CERS6: variants seen among roughly 807,000 people sequenced by gnomAD.
The protein encoded by CERS6 is LAG1 homolog, ceramide synthase 6.
Under a neutral mutation model 56.8 loss-of-function variants are expected in CERS6, and 26 were observed. The observed-to-expected ratio is 0.46, with a 90% CI of 0.34 to 0.63. The LOEUF is 0.63. CERS6 is among the 30% of genes least tolerant of loss of function. CERS6 has a pLI of 0.01. For synonymous variants in CERS6, 164 were observed against 173.3 expected (o/e 0.95, Z 0.42); for missense variants, 415 against 467.5 (o/e 0.89, Z 1.04).
intron 4 of CERS6, among the ~76,000 whole-genome samples, chr2:168,664,523 G>C (rs1236298861): frequency 2.6e-5 from 4 of 152,218 alleles, no homozygotes; most frequent in Admixed American, 2.6e-4. Context: ...CTACTCCATA[G>C]ACAGAGCAGC....
At chr2:168,533,050 A>G (rs1215249571) in intron 1 of CERS6, among the ~76,000 whole-genome samples, 2 of 152,248 alleles carry the variant, frequency 1.3e-5, no homozygotes, top group East Asian at 3.8e-4. Flanking sequence ...CTTAACCCTA[A>G]AAGGTTATTG....
At chr2:168,577,630 G>A (rs1424156308) in intron 3 of CERS6, among the ~76,000 whole-genome samples, 1 of 152,196 alleles carries the variant, frequency 6.6e-6, no homozygotes, top group Non-Finnish European at 1.5e-5. Context: ...GGGGTGTGGA[G>A]CACAGTCAGG....
At chr2:168,494,315 C>G (rs1694425343) in intron 1 of CERS6, among the ~76,000 whole-genome samples, 1 of 152,052 alleles carries the variant, frequency 6.6e-6, no homozygotes, top group Non-Finnish European at 1.5e-5. Context: ...GGTTAAGAGC[C>G]CGAACTCTGG....
chr2:168,645,676 CCT>C (rs1215959536), intron 4 of CERS6, among the ~76,000 whole-genome samples: 1 of 152,114 alleles, frequency 6.6e-6, no homozygotes, highest in Non-Finnish European at 1.5e-5. Flanking sequence ...CTTTTCTGCT[CCT>C]CTCCTTCCTC....
intron 8 of CERS6, among the ~76,000 whole-genome samples, chr2:168,746,822 A>ATATAT (rs1559078628): frequency 3.0e-3 from 102 of 34,260 alleles, no homozygotes; most frequent in East Asian, 4.5e-3. Flanking sequence ...TATATATATA[A>ATATAT]AATCATCTTT....
chr2:168,473,177 T>C (rs1038224181), intron 1 of CERS6, among the ~76,000 whole-genome samples: 3 of 152,166 alleles, frequency 2.0e-5, no homozygotes, highest in Non-Finnish European at 4.4e-5. Flanking sequence ...CTATAATCAT[T>C]TTAATATTAT....
chr2:168,491,729 C>A (rs1340716232), intron 1 of CERS6, among the ~76,000 whole-genome samples: 1 of 151,888 alleles, frequency 6.6e-6, no homozygotes. Flanking sequence ...TTTGCTGCAC[C>A]CATCAACTCA....
intron 1 of CERS6, among the ~76,000 whole-genome samples, chr2:168,497,369 CAATAAATA>C (rs745716623): frequency 6.8e-6 from 1 of 146,746 alleles, no homozygotes; most frequent in African/African-American, 2.5e-5. Context: ...AATACCACAG[CAATAAATA>C]AATAAATAAA....
At chr2:168,638,162 CTG>C (rs1409749987) in intron 4 of CERS6, among the ~76,000 whole-genome samples, 1 of 152,146 alleles carries the variant, frequency 6.6e-6, no homozygotes, top group African/African-American at 2.4e-5. Flanking sequence ...AGCTGAGAAT[CTG>C]TGGTTGCTGC....
At chr2:168,628,427 A>G (rs1238559421) in intron 3 of CERS6, among the ~76,000 whole-genome samples, 14 of 152,212 alleles carry the variant, frequency 9.2e-5, no homozygotes, top group African/African-American at 3.4e-4. Context: ...TAAAGCAGCT[A>G]TCTCCAATAG....
chr2:168,745,525 A>G (rs753968842), intron 8 of CERS6, among the ~76,000 whole-genome samples: 2 of 152,094 alleles, frequency 1.3e-5, no homozygotes, highest in Non-Finnish European at 2.9e-5. Flanking sequence ...ACAGGCGTGA[A>G]CCACTGCGCC....
intron 4 of CERS6, among the ~76,000 whole-genome samples, chr2:168,678,143 A>G (rs1686112572): frequency 6.6e-6 from 1 of 152,194 alleles, no homozygotes; most frequent in Non-Finnish European, 1.5e-5. Flanking sequence ...TGGCAGCACC[A>G]TTGCTTTTTT....
chr2:168,625,722 AG>A (rs772240896), intron 3 of CERS6, among the ~76,000 whole-genome samples: 1 of 152,164 alleles, frequency 6.6e-6, no homozygotes, highest in Non-Finnish European at 1.5e-5. Flanking sequence ...TAAATCCTGA[AG>A]GAGCCACAGT....
In CERS6 at chr2:168,592,011, G is replaced by T. The variant is rs1264341828; in HGVS notation, c.407+30689G>T. Among the ~76,000 whole-genome samples the T allele has an allele frequency of 3.9e-5, 6 of 152,166 alleles. No individual in the cohort carries two copies. The East Asian group carries it at 5.8e-4, about 15-fold the overall frequency. On this transcript the variant is annotated intron_variant, in intron 3 of 9. Transcript: ENST00000305747. ...AGGGTGCCCAACTCTTCATTTTGTT[G>T]TGTTGCCGACTTTCAACTGAGTGTC...
intron 4 of CERS6, among the ~76,000 whole-genome samples, chr2:168,632,697 T>C (rs1270606246): frequency 6.6e-6 from 1 of 152,196 alleles, no homozygotes; most frequent in Non-Finnish European, 1.5e-5. Flanking sequence ...GCTTTTGTGC[T>C]TATAACTTTA....
At chr2:168,698,942 T>C (rs1345065129) in intron 6 of CERS6, among the ~76,000 whole-genome samples, 1 of 152,180 alleles carries the variant, frequency 6.6e-6, no homozygotes, top group South Asian at 2.1e-4. Context: ...CAGATTAGAT[T>C]TGTACATTCC....
chr2:168,479,171 A>G (rs1694131143), intron 1 of CERS6, among the ~76,000 whole-genome samples: 1 of 152,206 alleles, frequency 6.6e-6, no homozygotes, highest in Non-Finnish European at 1.5e-5. Context: ...TTTATAATTT[A>G]TCTTACTAGT....
intron 8 of CERS6, among the ~76,000 whole-genome samples, chr2:168,743,622 T>A (rs1439695034): frequency 6.6e-6 from 1 of 152,242 alleles, no homozygotes; most frequent in Non-Finnish European, 1.5e-5. Flanking sequence ...CTCTAGTGTT[T>A]TAAACATAAT....
chr2:168,710,856 TA>T (rs1309101747), intron 6 of CERS6, among the ~76,000 whole-genome samples: 3 of 152,306 alleles, frequency 2.0e-5, no homozygotes, highest in African/African-American at 7.2e-5. Context: ...AGCTGAGAAC[TA>T]GATGTAAATG....
Sources: gnomAD v4.1 joint callset for allele counts (sites outside exome capture counted in the v4.1 genomes callset) on GRCh38, gnomAD v4.1.1 for gene constraint, MANE v1.5 for transcripts, NCBI Gene and HGNC (gene_info 2026-07-23, HGNC 2026-07-21) for gene names.